CNTN6: variants seen among roughly 807,000 people sequenced by gnomAD.
CNTN6 encodes the protein contactin-6.
A neutral mutation model predicts 122.8 loss-of-function variants in CNTN6; 137 were observed. The observed-to-expected ratio is 1.12, with a 90% CI of 0.97 to 1.29. The LOEUF (loss-of-function observed/expected upper bound fraction) is 1.29, where lower values mean the gene tolerates loss of function less well. Among genes scored for constraint, CNTN6 ranks in the 50% most tolerant of loss-of-function variants. CNTN6 has a pLI of 0.00. For missense variants in CNTN6, 1,634 were observed against 1,223.4 expected (o/e 1.34, Z -5.01); for synonymous variants, 570 against 426.0 (o/e 1.34, Z -4.16).
At chr3:1,094,797 A>T (rs995156119) in intron 1 of CNTN6, among the ~76,000 whole-genome samples, 5 of 152,062 alleles carry the variant, frequency 3.3e-5, no homozygotes, top group African/African-American at 1.2e-4. Flanking sequence ...GCTCAGTAGT[A>T]TAATAGTAAA....
At chr3:1,271,492 G>T (rs1224504455) in intron 4 of CNTN6, among the ~76,000 whole-genome samples, 1 of 152,180 alleles carries the variant, frequency 6.6e-6, no homozygotes, top group Non-Finnish European at 1.5e-5. Flanking sequence ...CTCAAAATCT[G>T]GTAGTGGTGA....
At chr3:1,251,584 G>C (rs1379767185) in intron 4 of CNTN6, among the ~76,000 whole-genome samples, 1 of 151,950 alleles carries the variant, frequency 6.6e-6, no homozygotes, top group Admixed American at 6.6e-5. Context: ...TTTTAATCTA[G>C]TGAAAAATCC....
intron 2 of CNTN6, among the ~76,000 whole-genome samples, chr3:1,182,008 C>A (rs1205373821): frequency 2.0e-5 from 3 of 152,060 alleles, no homozygotes; most frequent in South Asian, 2.1e-4. Context: ...TCATTTTGTT[C>A]AGAAACTGTG....
intron 4 of CNTN6, among the ~76,000 whole-genome samples, chr3:1,265,489 C>A: frequency 6.6e-6 from 1 of 152,150 alleles, no homozygotes; most frequent in East Asian, 1.9e-4. Flanking sequence ...TTTCTTAATT[C>A]TGTCCCTCAC....
chr3:1,399,461 A>C (rs2126256131), intron 20 of CNTN6, among the ~76,000 whole-genome samples: 1 of 152,232 alleles, frequency 6.6e-6, no homozygotes, highest in South Asian at 2.1e-4. Flanking sequence ...GTAAGCTAAA[A>C]GCTTTCAGGC....
At chr3:1,322,565 T>C (rs893560636) in intron 8 of CNTN6, among the ~76,000 whole-genome samples, 1 of 151,766 alleles carries the variant, frequency 6.6e-6, no homozygotes, top group South Asian at 2.1e-4. Context: ...AGTATTGATA[T>C]ATGGCCAAAA....
Position 1,202,408 on chromosome 3 carries a change from C to T in CNTN6, c.56-18279C>T, listed in dbSNP as rs12493626. Among the ~76,000 whole-genome samples, 692 of 151,424 alleles carry T rather than the reference C, an allele frequency of 4.6e-3. 24 individuals are homozygous for T. The highest frequency in any genetic ancestry group is 0.036 in the Admixed American group (544 of 15,248). ...ACAAGAAATCAGCCGGGCGTGGTGG[C>T]GGGCGCCTGTAGTCCCAGCTACTCG... On this transcript the variant is annotated intron_variant, in intron 2 of 22. Coordinates refer to ENST00000446702, the MANE Select transcript of CNTN6 (RefSeq NM_001289080.2).
chr3:1,361,449 G>T (rs1214169218), intron 12 of CNTN6, among the ~76,000 whole-genome samples: 5 of 151,880 alleles, frequency 3.3e-5, no homozygotes, highest in Admixed American at 2.0e-4. Context: ...ATAAGGTAAG[G>T]GTGCAATACT....
intron 11 of CNTN6, among the ~76,000 whole-genome samples, chr3:1,338,839 G>A (rs1212648392): frequency 1.3e-5 from 2 of 152,030 alleles, no homozygotes; most frequent in Admixed American, 6.6e-5. Flanking sequence ...AAAGTATAAT[G>A]TCCTTTTTTG....
intron 10 of CNTN6, among the ~76,000 whole-genome samples, chr3:1,329,277 ATATG>A (rs1701964496): frequency 6.6e-6 from 1 of 151,474 alleles, no homozygotes; most frequent in Non-Finnish European, 1.5e-5. Flanking sequence ...CTGATTTATC[ATATG>A]TATGTATATG....
intron 2 of CNTN6, among the ~76,000 whole-genome samples, chr3:1,177,029 C>T (rs1353888919): frequency 6.6e-6 from 1 of 152,080 alleles, no homozygotes; most frequent in Non-Finnish European, 1.5e-5. Flanking sequence ...TAGAATATTA[C>T]TCATGTCCTT....
intron 4 of CNTN6, among the ~76,000 whole-genome samples, chr3:1,235,937 C>T (rs556125042): frequency 2.0e-5 from 3 of 152,122 alleles, no homozygotes; most frequent in Admixed American, 2.0e-4. Context: ...AGGCCTGTGA[C>T]TGCGTTTTCC....
chr3:1,190,908 A>G (rs2093692687), intron 2 of CNTN6, among the ~76,000 whole-genome samples: 1 of 152,058 alleles, frequency 6.6e-6, no homozygotes, highest in South Asian at 2.1e-4. Context: ...GTCATTTCTC[A>G]CCACTTTTCT....
chr3:1,175,824 T>C (rs1424496907), intron 2 of CNTN6, among the ~76,000 whole-genome samples: 1 of 149,284 alleles, frequency 6.7e-6, no homozygotes, highest in Admixed American at 6.7e-5. Flanking sequence ...ACTATTTGAA[T>C]AGATTTAGGA....
chr3:1,249,203 T>C (rs1401233657), intron 4 of CNTN6, among the ~76,000 whole-genome samples: 2 of 151,870 alleles, frequency 1.3e-5, no homozygotes, highest in Non-Finnish European at 2.9e-5. Context: ...AGCTCTATTA[T>C]GATGTAAAGA....
At chr3:1,108,057 C>T (rs1391537778) in intron 1 of CNTN6, among the ~76,000 whole-genome samples, 1 of 151,912 alleles carries the variant, frequency 6.6e-6, no homozygotes, top group Non-Finnish European at 1.5e-5. Flanking sequence ...ATAGATAGCT[C>T]CCAGCATCTA....
intron 4 of CNTN6, among the ~76,000 whole-genome samples, chr3:1,245,308 A>T (rs1169846721): frequency 6.4e-5 from 1 of 15,654 alleles, no homozygotes; most frequent in African/African-American, 3.3e-4. Context: ...ATATATATAT[A>T]TATATATATA....
intron 7 of CNTN6, among the ~76,000 whole-genome samples, chr3:1,309,740 G>T (rs1295620121): frequency 6.6e-6 from 1 of 152,186 alleles, no homozygotes; most frequent in Non-Finnish European, 1.5e-5. Context: ...CACACTGACA[G>T]TGTTGAGTCT....
intron 2 of CNTN6, among the ~76,000 whole-genome samples, chr3:1,217,967 T>A (rs577865517): frequency 1.3e-5 from 2 of 152,336 alleles, no homozygotes; most frequent in African/African-American, 4.8e-5. Context: ...CCTCTTCCCC[T>A]TCCCTTTCTT....
Sources: gnomAD v4.1 joint callset for allele counts (sites outside exome capture counted in the v4.1 genomes callset) on GRCh38, gnomAD v4.1.1 for gene constraint, MANE v1.5 for transcripts, NCBI Gene and HGNC (gene_info 2026-07-23, HGNC 2026-07-21) for gene names.